DGKG: variants seen among roughly 807,000 people sequenced by gnomAD.
DGKG encodes diacylglycerol kinase gamma.
Under a neutral mutation model 105.3 loss-of-function variants are expected in DGKG, and 78 were observed. That is an observed-to-expected ratio of 0.74 (90% CI 0.62 to 0.89). DGKG has a LOEUF of 0.89. Ranked by LOEUF, DGKG falls within the 40% of genes least tolerant of loss-of-function variation. DGKG has a pLI of 0.00. For missense variants in DGKG, 958 were observed against 1,020.1 expected (o/e 0.94, Z 0.83); for synonymous variants, 346 against 367.1 (o/e 0.94, Z 0.66).
At chr3:186,288,209 G>A (rs558356985) in intron 6 of DGKG, among the ~76,000 whole-genome samples, 17 of 146,978 alleles carry the variant, frequency 1.2e-4, no homozygotes, top group African/African-American at 9.8e-5. Context: ...TTGGGGTGGC[G>A]GGGGGGCATA....
At chr3:186,164,223 A>G (rs189226636) in intron 23 of DGKG, among the ~76,000 whole-genome samples, 1 of 152,234 alleles carries the variant, frequency 6.6e-6, no homozygotes, top group Non-Finnish European at 1.5e-5. Context: ...AATTCAGTGA[A>G]AAAGGAAAGG....
intron 20 of DGKG, among the ~76,000 whole-genome samples, chr3:186,212,223 A>G (rs1490911638): frequency 2.6e-5 from 4 of 152,212 alleles, no homozygotes; most frequent in Non-Finnish European, 4.4e-5. Flanking sequence ...GCAAATATCA[A>G]TACAGTGCTC....
chr3:186,336,974 G>T (rs1725858846), intron 1 of DGKG, among the ~76,000 whole-genome samples: 2 of 152,112 alleles, frequency 1.3e-5, no homozygotes, highest in Non-Finnish European at 2.9e-5. Flanking sequence ...TTCAATAATA[G>T]ATAAAACTGA....
At chr3:186,274,408 A>G (rs935568327) in intron 10 of DGKG, among the ~76,000 whole-genome samples, 1 of 151,590 alleles carries the variant, frequency 6.6e-6, no homozygotes, top group Non-Finnish European at 1.5e-5. Flanking sequence ...TTTATTATAC[A>G]TTAAGTTCTA....
intron 1 of DGKG, among the ~76,000 whole-genome samples, chr3:186,333,149 G>A (rs987679262): frequency 2.6e-5 from 4 of 152,194 alleles, no homozygotes; most frequent in African/African-American, 4.8e-5. Context: ...AGCATCACTA[G>A]TAAAACTTTC....
chr3:186,190,239 A>C (rs1174649007), intron 21 of DGKG, among the ~76,000 whole-genome samples: 1 of 151,590 alleles, frequency 6.6e-6, no homozygotes, highest in Non-Finnish European at 1.5e-5. Context: ...TGGACTGTCA[A>C]CTCTCTTCAT....
intron 16 of DGKG, among the ~76,000 whole-genome samples, chr3:186,259,092 T>C (rs1417832762): frequency 1.3e-5 from 2 of 152,128 alleles, no homozygotes; most frequent in African/African-American, 4.8e-5. Flanking sequence ...CTTGCAGAAC[T>C]CTGCTCTCCG....
At chr3:186,282,757 C>A (rs113082382) in intron 7 of DGKG, among the ~76,000 whole-genome samples, 1 of 152,160 alleles carries the variant, frequency 6.6e-6, no homozygotes, top group African/African-American at 2.4e-5. Context: ...CTCTGGTGAT[C>A]CGCCCACCTC....
chr3:186,302,474 A>G (rs1222224331), intron 3 of DGKG, among the ~76,000 whole-genome samples: 3 of 21,378 alleles, frequency 1.4e-4, no homozygotes, highest in African/African-American at 6.9e-4. Flanking sequence ...ATATATATAT[A>G]TATATATATA....
chr3:186,272,319 C>A lies in DGKG; in HGVS notation c.935G>T (p.Arg312Leu), dbSNP rs760143890. 1 of 1,613,586 alleles carries A rather than the reference C, an allele frequency of 6.2e-7. No individual in the cohort carries two copies. The change falls in exon 11 of 25, where the codon CGC (arginine) becomes CTC (leucine). Residue 312 changes from arginine (R) to leucine (L), a missense_variant. Physicochemically the swap from Arg to Leu is moderately radical, Grantham distance 102. Coordinates refer to ENST00000265022, the MANE Select transcript of DGKG (RefSeq NM_001346.3). ...CTYCKYTVHE[R>L]CVSRNIPGCV... ...ACCAGGAATGTTTCTGGACACACAGCGTTCGTGGACAGTGTATTTACAGTC... is the reference window on the plus strand; with the variant it reads ...ACCAGGAATGTTTCTGGACACACAGAGTTCGTGGACAGTGTATTTACAGTC...
At chr3:186,206,450 G>A (rs1718742810) in intron 21 of DGKG, among the ~76,000 whole-genome samples, 1 of 151,948 alleles carries the variant, frequency 6.6e-6, no homozygotes, top group African/African-American at 2.4e-5. Flanking sequence ...CCAGTGAAAT[G>A]AAACATCTCT....
chr3:186,279,093 C>T (rs952919200), intron 9 of DGKG: 2 of 152,248 alleles, frequency 1.3e-5, no homozygotes, highest in African/African-American at 4.8e-5. Flanking sequence ...CCAGAACTTT[C>T]TTTCATTTGT....
intron 1 of DGKG, among the ~76,000 whole-genome samples, chr3:186,344,676 A>G (rs1446009355): frequency 1.3e-5 from 2 of 152,182 alleles, no homozygotes; most frequent in South Asian, 2.1e-4. Context: ...AATAATCTGT[A>G]CAACAACCCC....
At position 186,306,979 on chromosome 3, in the gene DGKG, T is replaced by C; in HGVS notation, c.68-2A>G. 6.2e-7 allele frequency: 1 copy of C among 1,606,844 alleles called. No homozygotes were observed. Among genetic ancestry groups the C allele is most frequent in the South Asian group, 1.1e-5 (1 of 90,862 alleles). ...CATCTTTTATCTTCTTGGAGGAATC[T>C]GAAGAGACACAATTCACATGTGAAA... On this transcript the variant is annotated splice_acceptor_variant, in intron 2 of 24. Coordinates refer to ENST00000265022, the MANE Select transcript of DGKG (RefSeq NM_001346.3). LOFTEE classifies it high-confidence loss of function.
intron 1 of DGKG, among the ~76,000 whole-genome samples, chr3:186,342,259 G>A (rs1312653772): frequency 6.6e-6 from 1 of 152,210 alleles, no homozygotes; most frequent in Admixed American, 6.5e-5. Flanking sequence ...TAAGGATAGA[G>A]CACCTAGAGA....
At chr3:186,357,042 G>A (rs1330622176) in intron 1 of DGKG, among the ~76,000 whole-genome samples, 1 of 152,152 alleles carries the variant, frequency 6.6e-6, no homozygotes, top group East Asian at 1.9e-4. Flanking sequence ...CAGGTTGGAG[G>A]GATCCTCGCC....
intron 1 of DGKG, among the ~76,000 whole-genome samples, chr3:186,338,543 T>A (rs571390350): frequency 6.6e-6 from 1 of 152,318 alleles, no homozygotes; most frequent in East Asian, 1.9e-4. Context: ...AATATTCTTA[T>A]GTAACTGAAA....
intron 23 of DGKG, 136 bp from the exon 24 acceptor site, chr3:186,161,799 A>T: frequency 2.9e-6 from 4 of 1,382,688 alleles, no homozygotes; most frequent in Middle Eastern, 1.9e-4. Flanking sequence ...CTTTTGGAGA[A>T]CTTGTTAAAA....
chr3:186,199,811 G>A (rs1009692973), intron 21 of DGKG, among the ~76,000 whole-genome samples: 2 of 152,128 alleles, frequency 1.3e-5, no homozygotes, highest in Non-Finnish European at 2.9e-5. Context: ...ACTGCGCCCG[G>A]CCTTGTATTT....
Sources: gnomAD v4.1 joint callset for allele counts (sites outside exome capture counted in the v4.1 genomes callset) on GRCh38, gnomAD v4.1.1 for gene constraint, MANE v1.5 for transcripts, NCBI Gene and HGNC (gene_info 2026-07-23, HGNC 2026-07-21) for gene names.